SPAG16: variants seen among roughly 807,000 people sequenced by gnomAD.
SPAG16 encodes the protein sperm-associated antigen 16 protein.
In SPAG16, 86 loss-of-function variants were observed where a neutral mutation model predicts 80.4. The observed-to-expected ratio is 1.07, with a 90% confidence interval of 0.90 to 1.28. The LOEUF (loss-of-function observed/expected upper bound fraction) is 1.28. Among genes scored for constraint, SPAG16 ranks in the 50% most tolerant of loss-of-function variants. The probability of loss-of-function intolerance (pLI) is 0.00; values close to 1 mark genes in which losing one functional copy is unlikely to be tolerated. For missense variants in SPAG16, 870 were observed against 765.3 expected (o/e 1.14, Z -1.61); for synonymous variants, 294 against 265.9 (o/e 1.11, Z -1.03).
At chr2:214,304,923 CT>C (rs1407338932) in intron 15 of SPAG16, among the ~76,000 whole-genome samples, 4 of 152,108 alleles carry the variant, frequency 2.6e-5, no homozygotes, top group Non-Finnish European at 2.9e-5. Flanking sequence ...AATGGTATTT[CT>C]TTCTCTAAGT....
intron 10 of SPAG16, among the ~76,000 whole-genome samples, chr2:213,860,199 A>T (rs1219498699): frequency 3.3e-5 from 5 of 151,996 alleles, no homozygotes; most frequent in Admixed American, 6.6e-5. Flanking sequence ...TTATTCCATA[A>T]TAATTCAAAA....
chr2:213,678,958 A>G (rs1295168671), intron 10 of SPAG16, among the ~76,000 whole-genome samples: 2 of 152,066 alleles, frequency 1.3e-5, no homozygotes, highest in Non-Finnish European at 2.9e-5. Context: ...GAGGTTTAGG[A>G]GAGGCTGTTC....
At chr2:213,610,329 AG>A (rs1332681733) in intron 10 of SPAG16, among the ~76,000 whole-genome samples, 6 of 152,140 alleles carry the variant, frequency 3.9e-5, no homozygotes, top group Non-Finnish European at 7.4e-5. Flanking sequence ...GTTTTCTCTA[AG>A]GTCTTCCCTT....
At chr2:213,719,145 T>C (rs1421004610) in intron 10 of SPAG16, among the ~76,000 whole-genome samples, 1 of 152,026 alleles carries the variant, frequency 6.6e-6, no homozygotes, top group Non-Finnish European at 1.5e-5. Context: ...GCACTCTGTA[T>C]CTAGCTCAAG....
At chr2:213,389,226 A>C (rs909563108) in intron 9 of SPAG16, among the ~76,000 whole-genome samples, 3 of 152,174 alleles carry the variant, frequency 2.0e-5, no homozygotes, top group African/African-American at 7.2e-5. Context: ...CAAAATAATA[A>C]AGTTGGACCC....
chr2:213,965,978 C>G (rs745883272), intron 12 of SPAG16, among the ~76,000 whole-genome samples: 2 of 152,198 alleles, frequency 1.3e-5, no homozygotes, highest in African/African-American at 4.8e-5. Flanking sequence ...GAATAATAAG[C>G]TCACTGCATT....
chr2:213,368,535 A>G (rs959747498), intron 8 of SPAG16, among the ~76,000 whole-genome samples: 1 of 152,206 alleles, frequency 6.6e-6, no homozygotes, highest in African/African-American at 2.4e-5. Context: ...CACCACTCCT[A>G]TTCAACATAG....
chr2:214,402,824 C>A (rs1559274974), intron 15 of SPAG16, among the ~76,000 whole-genome samples: 2 of 151,892 alleles, frequency 1.3e-5, no homozygotes, highest in Non-Finnish European at 2.9e-5. Flanking sequence ...TTCTTGGAAT[C>A]AATAGATGCC....
At chr2:213,680,892 G>A (rs903186242) in intron 10 of SPAG16, among the ~76,000 whole-genome samples, 1 of 152,242 alleles carries the variant, frequency 6.6e-6, no homozygotes. Context: ...GGTCTTCCAG[G>A]CTATAGGTAA....
intron 13 of SPAG16, among the ~76,000 whole-genome samples, chr2:214,062,501 A>G (rs2050322156): frequency 6.6e-6 from 1 of 150,738 alleles, no homozygotes; most frequent in Non-Finnish European, 1.5e-5. Context: ...CCAAACATGC[A>G]TTTCCCACTA....
chr2:214,310,848 C>A (rs1265596083), intron 15 of SPAG16, among the ~76,000 whole-genome samples: 2 of 152,148 alleles, frequency 1.3e-5, no homozygotes, highest in East Asian at 3.9e-4. Context: ...CCCCCAACAC[C>A]AAACAGATGA....
At chr2:213,428,183 G>T (rs893155051) in intron 9 of SPAG16, among the ~76,000 whole-genome samples, 7 of 152,174 alleles carry the variant, frequency 4.6e-5, no homozygotes, top group Non-Finnish European at 5.9e-5. Context: ...AGGTAAGTGG[G>T]CAGCCTGTGT....
At chr2:213,296,191 A>T in intron 2 of SPAG16, 81 bp downstream of exon 2, 1 of 1,033,842 alleles carries the variant, frequency 9.7e-7, no homozygotes, top group South Asian at 1.4e-5. Flanking sequence ...TTTCTGAAAC[A>T]TGTAAGAACC....
At chr2:214,361,258 G>A (rs971365976) in intron 15 of SPAG16, among the ~76,000 whole-genome samples, 3 of 151,600 alleles carry the variant, frequency 2.0e-5, no homozygotes, top group African/African-American at 4.8e-5. Context: ...AATATTAATC[G>A]GTAATATTGA....
At chr2:213,694,042 C>CAAAAAA (rs68152101) in intron 10 of SPAG16, among the ~76,000 whole-genome samples, 47 of 121,380 alleles carry the variant, frequency 3.9e-4, no homozygotes, top group African/African-American at 1.4e-3. Context: ...TTATGCAAGA[C>CAAAAAA]AAAAAAAAAA....
chr2:213,720,565 G>A (rs548457377), intron 10 of SPAG16, among the ~76,000 whole-genome samples: 141 of 151,518 alleles, frequency 9.3e-4, no homozygotes, highest in African/African-American at 3.3e-3. Context: ...GTGAACCTGG[G>A]AGGCGGAGCT....
chr2:213,783,112 T>C (rs887292477), intron 10 of SPAG16, among the ~76,000 whole-genome samples: 25 of 146,604 alleles, frequency 1.7e-4, no homozygotes, highest in African/African-American at 5.8e-4. Flanking sequence ...GTGATCTCAT[T>C]GTTCAATTCC....
chr2:213,430,582 A>G (rs954806516), intron 9 of SPAG16, among the ~76,000 whole-genome samples: 2 of 152,338 alleles, frequency 1.3e-5, no homozygotes, highest in Non-Finnish European at 2.9e-5. Flanking sequence ...GACACCTCTG[A>G]CATAAAGTGA....
Position 213,672,773 on chromosome 2 carries a change from G to A in SPAG16, c.1070+182683G>A, listed in dbSNP as rs1223437454. ...TCACATTGGCCCTGCTCTGCAATAG[G>A]GATATTCCTATCCTAGGAATTAGTT... is the stretch of plus-strand genomic sequence containing the variant. On this transcript the variant is annotated intron_variant, in intron 10 of 15. Transcript: ENST00000331683. Among the ~76,000 whole-genome samples, 5 of 151,590 alleles carry A rather than the reference G, an allele frequency of 3.3e-5. No homozygotes were observed. The South Asian group carries it at 1.0e-3, about 32-fold the overall frequency.
Sources: gnomAD v4.1 joint callset for allele counts (sites outside exome capture counted in the v4.1 genomes callset) on GRCh38, gnomAD v4.1.1 for gene constraint, MANE v1.5 for transcripts, NCBI Gene and HGNC (gene_info 2026-07-23, HGNC 2026-07-21) for gene names.